SGSH: variants seen among roughly 807,000 people sequenced by gnomAD.
SGSH encodes N-sulfoglucosamine sulfohydrolase.
A neutral mutation model predicts 51.0 loss-of-function variants in SGSH; 48 were observed. That is an observed-to-expected ratio of 0.94 (90% CI 0.75 to 1.20). The LOEUF (loss-of-function observed/expected upper bound fraction) is 1.20, where lower values mean the gene tolerates loss of function less well. Ranked by LOEUF, SGSH falls within the 50% of genes most tolerant of loss-of-function variation. The pLI is 0.00. For synonymous variants in SGSH, 321 were observed against 313.4 expected (o/e 1.02, Z -0.26); for missense variants, 662 against 717.8 (o/e 0.92, Z 0.89).
chr17:80,201,951 G>C, downstream of SGSH: 1 of 1,495,638 alleles, frequency 6.7e-7, no homozygotes, highest in Non-Finnish European at 9.0e-7. This position sits in a 1 kb window ranked among gnomAD's most constrained non-coding sequence, Gnocchi z 5.0. Flanking sequence ...TCTTCTGCAC[G>C]CCCAGCAGCC....
rs1386957245 is a variant in SGSH, at chr17:80,213,571, G to A, written c.745+233C>T. Reference sequence around the variant, plus strand: ...TATCTGAAGTCTTCACGCAACCTCTGGGGCACCCGAAGGCCCCAGCCCAGG... The same window carrying A: ...TATCTGAAGTCTTCACGCAACCTCTAGGGCACCCGAAGGCCCCAGCCCAGG... On this transcript the variant is annotated intron_variant, in intron 6 of 7. Transcript: ENST00000326317. The surrounding 1 kb of genome is among the most constrained non-coding windows in gnomAD (Gnocchi z 4.6). 2 of 587,446 alleles carry A rather than the reference G, an allele frequency of 3.4e-6. No homozygotes were observed. Among genetic ancestry groups the A allele is most frequent in the East Asian group, 2.8e-5 (1 of 35,724 alleles). 36.4% of individuals were successfully genotyped at this position (587,446 alleles called of 1,614,324 possible).
downstream of SGSH, chr17:80,204,375 G>A (rs746290677): frequency 3.3e-6 from 5 of 1,510,324 alleles, no homozygotes; most frequent in South Asian, 6.2e-5. Flanking sequence ...GGGGCCACTG[G>A]CTCCAAGTGG....
At chr17:80,205,076 G>A, downstream of SGSH, 2 of 1,611,602 alleles carry the variant, frequency 1.2e-6, no homozygotes, top group Non-Finnish European at 1.7e-6. Context: ...CCTCACCCTG[G>A]TGCCCTATAC....
chr17:80,204,869 C>T (rs2144544941), downstream of SGSH: 1 of 600,688 alleles, frequency 1.7e-6, no homozygotes, highest in South Asian at 2.2e-5. Context: ...CAGCCAGGGG[C>T]TATGGAACTG....
At position 80,217,016 on chromosome 17, in the gene SGSH, G is replaced by A. The variant is rs575584322; in HGVS notation, c.249+16C>T. The A allele has an allele frequency of 1.4e-5, 21 of 1,540,754 alleles. No homozygotes were observed. The highest frequency in any genetic ancestry group is 7.2e-5 in the East Asian group (3 of 41,850). ...TACTCCCTGCCCACCCCCTCCTCCC[G>A]CCCCTTGCACCTCACCTGGGGCAGG... is the stretch of plus-strand genomic sequence containing the variant. On this transcript the variant is annotated intron_variant, in intron 2 of 7. Coordinates refer to ENST00000326317, the MANE Select transcript of SGSH (RefSeq NM_000199.5).
downstream of SGSH, chr17:80,202,071 T>C: frequency 1.6e-6 from 2 of 1,243,326 alleles, no homozygotes; most frequent in South Asian, 1.4e-5. Context: ...CCAGAGCAGC[T>C]TCTGAGACTG....
At chr17:80,203,578 CA>C (rs1275366672), downstream of SGSH, 8 of 475,520 alleles carry the variant, frequency 1.7e-5, no homozygotes, top group Non-Finnish European at 2.6e-5. The surrounding 1 kb of genome is among the most constrained non-coding windows in gnomAD (Gnocchi z 4.6). Flanking sequence ...GGTCCCGCCC[CA>C]GGACAAGTAA....
downstream of SGSH, chr17:80,208,594 G>C: frequency 2.3e-6 from 1 of 431,352 alleles, no homozygotes; most frequent in Non-Finnish European, 4.1e-6. Flanking sequence ...GTCTGAACTG[G>C]AAACCCTGAG....
downstream of SGSH, chr17:80,207,816 C>T: frequency 6.7e-6 from 2 of 298,020 alleles, no homozygotes; most frequent in Non-Finnish European, 1.2e-5. Context: ...ACTGACCCTC[C>T]ACTTACTGGT....
At chr17:80,208,117 C>T (rs772367503), downstream of SGSH, 3 of 1,501,186 alleles carry the variant, frequency 2.0e-6, no homozygotes, top group South Asian at 3.8e-5. Context: ...AGCCCGCCCC[C>T]CCCAACTCTG....
At chr17:80,211,820 G>A in intron 7 of SGSH, 1 of 566,470 alleles carries the variant, frequency 1.8e-6, no homozygotes, top group South Asian at 2.0e-5. Flanking sequence ...AAAAGGCAAT[G>A]GTTTTGAAAG....
At chr17:80,220,086 G>A (rs1359614874) in intron 1 of SGSH, 140 bp downstream of exon 1, 10 of 597,942 alleles carry the variant, frequency 1.7e-5, no homozygotes, top group Non-Finnish European at 2.8e-5. Context: ...GGCACAGAGA[G>A]GAGGACGAGA....
chr17:80,209,946 G>A lies in SGSH; in HGVS notation c.*506C>T, dbSNP rs1011435930. ...TAGGCCAGACGCTGGTAAGAGCCAG[G>A]CGCCGTGCTCCCAGGTGAGTGTCGG... On this transcript the variant is annotated 3_prime_UTR_variant, in exon 8 of 8. Transcript: ENST00000326317. 17 of 1,000,900 alleles carry A rather than the reference G, an allele frequency of 1.7e-5. No homozygotes were observed. The highest frequency in any genetic ancestry group is 2.0e-5 in the Non-Finnish European group (17 of 837,708). The allele number at this position is 1,000,900 out of a possible 1,614,324, so 62.0% of individuals were successfully genotyped here.
At chr17:80,205,277 T>A, downstream of SGSH, 1 of 1,254,480 alleles carries the variant, frequency 8.0e-7, no homozygotes, top group Non-Finnish European at 1.1e-6. Context: ...CCTCCCTCCT[T>A]CCTCCCCTTC....
downstream of SGSH, chr17:80,205,605 G>A (rs867829696): frequency 5.7e-6 from 9 of 1,568,488 alleles, no homozygotes; most frequent in Non-Finnish European, 4.3e-6. Flanking sequence ...GGTGTCCGGG[G>A]GCCGCTGCTG....
At position 80,212,173 on chromosome 17, in the gene SGSH, T is replaced by C. The variant is rs1598742587; in HGVS notation, c.847A>G (p.Thr283Ala). 2 of 1,613,382 alleles carry C rather than the reference T, an allele frequency of 1.2e-6. No homozygotes were observed. Among genetic ancestry groups the C allele is most frequent in the Non-Finnish European group, 1.7e-6 (2 of 1,180,012 alleles). Reference protein sequence around the residue: ...DNGIPFPSGRTNLYWPGTAEP... With the variant: ...DNGIPFPSGRANLYWPGTAEP... The stretch of plus-strand genomic sequence containing the variant: ...GCAGTGCCCGGCCAGTACAGGTTGG[T>C]CCTGCCGCTGGGGAAGGGGATCCCG... The change falls in exon 7 of 8, where the codon ACC becomes GCC. Residue 283 changes from threonine to alanine, a missense_variant. Coordinates refer to ENST00000326317, the MANE Select transcript of SGSH (RefSeq NM_000199.5). The surrounding 1 kb of genome is among the most constrained non-coding windows in gnomAD (Gnocchi z 5.9).
the SGSH span, chr17:80,201,648 G>A: frequency 7.5e-7 from 1 of 1,331,194 alleles, no homozygotes; most frequent in Non-Finnish European, 1.1e-6. The surrounding 1 kb of genome is among the most constrained non-coding windows in gnomAD (Gnocchi z 5.0). Context: ...GGCAGGGCTG[G>A]CCCGCGCCTC....
chr17:80,218,917 C>T (rs1434197193), intron 1 of SGSH, among the ~76,000 whole-genome samples: 2 of 151,960 alleles, frequency 1.3e-5, no homozygotes, highest in Non-Finnish European at 2.9e-5. Flanking sequence ...GCCCAGCACC[C>T]GGGAGGCCAA....
At chr17:80,201,473 G>T in the SGSH span, 1 of 474,324 alleles carries the variant, frequency 2.1e-6, no homozygotes. This position sits in a 1 kb window ranked among gnomAD's most constrained non-coding sequence, Gnocchi z 5.0. Flanking sequence ...TTCAAGACAG[G>T]AAAGTGCTTA....
Sources: gnomAD v4.1 joint callset for allele counts (sites outside exome capture counted in the v4.1 genomes callset) on GRCh38, gnomAD v4.1.1 for gene constraint, Gnocchi (gnomAD v3.1) non-coding constraint, MANE v1.5 for transcripts, NCBI Gene and HGNC (gene_info 2026-07-23, HGNC 2026-07-21) for gene names.